Variants in LRP8 observed in about 807,000 individuals in gnomAD.
LRP8 encodes low-density lipoprotein receptor-related protein 8.
Under a neutral mutation model 111.6 loss-of-function variants are expected in LRP8, and 46 were observed. The ratio of observed to expected loss-of-function variants is 0.41; its 90% confidence interval spans 0.33 to 0.53. The LOEUF is 0.53. LRP8 is among the 20% of genes least tolerant of loss of function. The pLI, the probability that LRP8 is intolerant of heterozygous loss-of-function variation, is 0.20. For missense variants in LRP8, 959 were observed against 1,297.4 expected, an observed-to-expected ratio of 0.74 and a Z score of 4.01; for synonymous variants, 464 against 511.2, an observed-to-expected ratio of 0.91 and a Z score of 1.24.
intron 3 of LRP8, among the ~76,000 whole-genome samples, chr1:53,282,651 GAGCCTC>G (rs1384175049): frequency 1.3e-5 from 2 of 152,152 alleles, no homozygotes; most frequent in African/African-American, 4.8e-5. Context: ...GCAGGTTCCT[GAGCCTC>G]AGCTCATACT....
intron 2 of LRP8, among the ~76,000 whole-genome samples, chr1:53,296,702 G>A (rs933928843): frequency 9.2e-5 from 14 of 152,214 alleles, no homozygotes; most frequent in African/African-American, 3.4e-4. Flanking sequence ...GACCCAGAGT[G>A]TTCTCTGGCT....
intron 9 of LRP8, among the ~76,000 whole-genome samples, chr1:53,265,962 G>A (rs1188505720): frequency 6.6e-6 from 1 of 152,222 alleles, no homozygotes; most frequent in Non-Finnish European, 1.5e-5. Context: ...ACAGTGAAAA[G>A]CTGGCCTTGG....
At chr1:53,325,457 C>T (rs1302002884) in intron 2 of LRP8, among the ~76,000 whole-genome samples, 1 of 152,232 alleles carries the variant, frequency 6.6e-6, no homozygotes. Context: ...TCCAATTTCG[C>T]TTCTAGAACT....
chr1:53,304,639 AGGT>A (rs747107115), intron 2 of LRP8: 4 of 152,242 alleles, frequency 2.6e-5, no homozygotes, highest in Admixed American at 2.0e-4. Flanking sequence ...AGACCTTCGG[AGGT>A]GGCCATGTCT....
rs181323931 is a variant in LRP8, at chr1:53,277,214, G to A, written c.497-136C>T. 844 of 1,260,484 alleles carry A rather than the reference G, an allele frequency of 6.7e-4. 6 individuals are homozygous for A. In the African/African-American group the frequency reaches 0.012, roughly 18 times the overall value. 78.1% of individuals were successfully genotyped at this position (1,260,484 alleles called of 1,614,324 possible). A position where few individuals can be genotyped will look rare whatever the true frequency, so the allele number is the denominator to read the frequency against. On this transcript the variant is annotated intron_variant, in intron 4 of 18. Coordinates refer to ENST00000306052, the MANE Select transcript of LRP8 (RefSeq NM_004631.5). ...GCCCTTTGGGGGCTGAATGGTGGACGTGCAGTTAGGCATAGCGAAGGCGGG... is the reference window on the plus strand; with the variant it reads ...GCCCTTTGGGGGCTGAATGGTGGACATGCAGTTAGGCATAGCGAAGGCGGG...
chr1:53,327,229 G>C (rs1655257460), intron 1 of LRP8: 1 of 561,230 alleles, frequency 1.8e-6, no homozygotes, highest in Non-Finnish European at 3.2e-6. Context: ...CACACGACCT[G>C]GGTATACCCT....
rs1038195653 is a variant in LRP8, at chr1:53,271,236, T to G, written c.1117A>C (p.Thr373Pro). ...TGGGAGAAGGTCTCACCGCCACAGGTCTTCTGGTCCAGGAGCTGGAAGCCT... is the reference window on the plus strand; with the variant it reads ...TGGGAGAAGGTCTCACCGCCACAGGGCTTCTGGTCCAGGAGCTGGAAGCCT... ...PAGFQLLDQK[T>P]CGDIDECKDP... The change falls in exon 7 of 19, where the codon ACC becomes CCC. Residue 373 changes from threonine (T) to proline (P), a missense_variant. Coordinates refer to ENST00000306052, the MANE Select transcript of LRP8 (RefSeq NM_004631.5). 6.2e-7 allele frequency: 1 copy of G among 1,613,724 alleles called. No homozygotes were observed. Among genetic ancestry groups the G allele is most frequent in the East Asian group, 2.2e-5 (1 of 44,858 alleles).
chr1:53,324,066 A>G (rs982844135), intron 2 of LRP8, among the ~76,000 whole-genome samples: 1 of 152,210 alleles, frequency 6.6e-6, no homozygotes, highest in African/African-American at 2.4e-5. Context: ...CCAGAGATGT[A>G]CAAAGGTGGG....
intron 2 of LRP8, among the ~76,000 whole-genome samples, chr1:53,300,316 G>C (rs1244072382): frequency 6.6e-6 from 1 of 152,192 alleles, no homozygotes; most frequent in Non-Finnish European, 1.5e-5. Context: ...CTGATGGCCA[G>C]CTCAAGCATC....
intron 3 of LRP8, among the ~76,000 whole-genome samples, chr1:53,281,284 G>A (rs903170851): frequency 1.3e-5 from 2 of 152,208 alleles, no homozygotes; most frequent in East Asian, 1.9e-4. Flanking sequence ...AGGGCCCAGC[G>A]GGACTGCATA....
At chr1:53,309,156 T>C (rs755467160) in intron 2 of LRP8, among the ~76,000 whole-genome samples, 1 of 152,188 alleles carries the variant, frequency 6.6e-6, no homozygotes, top group Non-Finnish European at 1.5e-5. Flanking sequence ...GCGCCTGTAA[T>C]GCCAGCTACT....
intron 13 of LRP8, among the ~76,000 whole-genome samples, 170 bp downstream of exon 13, chr1:53,260,294 A>G (rs753451303): frequency 3.9e-5 from 6 of 152,368 alleles, no homozygotes; most frequent in Middle Eastern, 3.4e-3. Flanking sequence ...TTGAGGTAAA[A>G]TGAGACAAAA....
At chr1:53,322,376 C>T (rs1654624505) in intron 2 of LRP8, among the ~76,000 whole-genome samples, 1 of 152,150 alleles carries the variant, frequency 6.6e-6, no homozygotes, top group Non-Finnish European at 1.5e-5. Context: ...GGAGGTGACA[C>T]CTGCACCGGA....
In LRP8 at chr1:53,317,411, C is replaced by CA. The variant is rs1653948975; in HGVS notation, c.244+9461dup. Among the ~76,000 whole-genome samples, 2 of 152,224 alleles carry CA rather than the reference C, an allele frequency of 1.3e-5. No homozygotes were observed. The highest frequency in any genetic ancestry group is 4.8e-5 in the African/African-American group (2 of 41,464). On this transcript the variant is annotated intron_variant, in intron 2 of 18. Coordinates refer to ENST00000306052, the MANE Select transcript of LRP8 (RefSeq NM_004631.5). This position sits in a 1 kb window ranked among gnomAD's most constrained non-coding sequence, Gnocchi z 4.9. ...CCCACTGGGCCACTCAGGAAGCAGC[C>CA]ACCCTGGGGCCCCAGCGCAGATGGG...
intron 4 of LRP8, among the ~76,000 whole-genome samples, chr1:53,277,428 CCCAGGGA>C (rs768149547): frequency 7.7e-4 from 118 of 152,312 alleles, no homozygotes; most frequent in Non-Finnish European, 1.2e-3. Flanking sequence ...ACTGACCCTT[CCCAGGGA>C]CCAGGGTCTG....
chr1:53,255,808 A>G (rs1390057244), intron 15 of LRP8, among the ~76,000 whole-genome samples: 2 of 152,160 alleles, frequency 1.3e-5, no homozygotes, highest in Non-Finnish European at 1.5e-5. Context: ...ATGGTATTAT[A>G]CTTTTATATC....
chr1:53,257,156 G>A (rs2100359815), intron 15 of LRP8, 84 bp downstream of exon 15: 2 of 1,230,106 alleles, frequency 1.6e-6, no homozygotes, highest in African/African-American at 1.5e-5. Context: ...AGCTCTGGTA[G>A]GTTCTGTCTT....
chr1:53,308,713 C>T (rs746811730), intron 2 of LRP8, among the ~76,000 whole-genome samples: 31 of 152,176 alleles, frequency 2.0e-4, no homozygotes, highest in Non-Finnish European at 4.1e-4. Flanking sequence ...TGCTGACAGA[C>T]GTGACTGGGG....
chr1:53,314,882 C>T (rs988877595), intron 2 of LRP8, among the ~76,000 whole-genome samples: 11 of 152,198 alleles, frequency 7.2e-5, no homozygotes, highest in Admixed American at 5.9e-4. Context: ...CTGGGTGGAG[C>T]AGAACCAGAT....
Sources: gnomAD v4.1 joint callset for allele counts (sites outside exome capture counted in the v4.1 genomes callset) on GRCh38, gnomAD v4.1.1 for gene constraint, Gnocchi (gnomAD v3.1) non-coding constraint, MANE v1.5 for transcripts, NCBI Gene and HGNC (gene_info 2026-07-23, HGNC 2026-07-21) for gene names.